Variants in KIDINS220 observed in about 807,000 individuals in gnomAD.
KIDINS220 encodes the protein kinase D-interacting substrate of 220 kDa.
KIDINS220 carries 63 observed loss-of-function variants against 157.6 expected under a neutral mutation model. The observed-to-expected ratio is 0.40, with a 90% CI of 0.33 to 0.49. The LOEUF (loss-of-function observed/expected upper bound fraction) is 0.49. KIDINS220 is among the 20% of genes least tolerant of loss of function. The pLI, the probability that KIDINS220 is intolerant of heterozygous loss-of-function variation, is 0.66. For missense variants in KIDINS220, 1,772 were observed against 2,171.2 expected (o/e 0.82, Z 3.65); for synonymous variants, 732 against 783.6 (o/e 0.93, Z 1.10).
At chr2:8,754,830 A>G (rs984208672) in intron 22 of KIDINS220, among the ~76,000 whole-genome samples, 8 of 152,238 alleles carry the variant, frequency 5.3e-5, no homozygotes, top group African/African-American at 1.9e-4. Context: ...TATTTATCAC[A>G]TTTTATCTAA....
intron 2 of KIDINS220, among the ~76,000 whole-genome samples, chr2:8,824,587 G>A (rs184125318): frequency 6.6e-6 from 1 of 152,240 alleles, no homozygotes; most frequent in Non-Finnish European, 1.5e-5. Context: ...GGCTGAAGCA[G>A]GAGGATCGCT....
rs1572582403 is a variant in KIDINS220, at chr2:8,770,891, A to T, written c.2849-59T>A. The T allele has an allele frequency of 1.5e-5, 15 of 1,003,472 alleles. No homozygotes were observed. The East Asian group carries it at 4.1e-4, about 27-fold the overall frequency. The allele number at this position is 1,003,472 out of a possible 1,614,324, so 62.2% of individuals were successfully genotyped here. On this transcript the variant is annotated intron_variant, in intron 21 of 29. Transcript: ENST00000256707. The stretch of plus-strand genomic sequence containing the variant: ...TAGATGTGTGATAGTATGTTAAGTA[A>T]AACATTTAGTATATTCACAAATATT...
At chr2:8,797,076 G>T (rs1033697728) in intron 10 of KIDINS220, among the ~76,000 whole-genome samples, 3 of 152,178 alleles carry the variant, frequency 2.0e-5, no homozygotes, top group African/African-American at 7.2e-5. Flanking sequence ...CACGTAGCCA[G>T]GTGTGGGACC....
rs1192370705 is a variant in KIDINS220 at position 8,731,302 on chromosome 2, A to G, written c.4734T>C (p.Leu1578=). Residue 1578 remains leucine (L), a synonymous_variant, in exon 30 of 30, where the codon CTT becomes CTC. Coordinates refer to ENST00000256707, the MANE Select transcript of KIDINS220 (RefSeq NM_020738.4). The surrounding 1 kb of genome is among the most constrained non-coding windows in gnomAD (Gnocchi z 5.2). ...KAKEYLSDAL[L]DKKDSSDSGV... is the part of the protein sequence containing the mutation. ...CTGAATCCGATGAATCCTTTTTGTC[A>G]AGGAGCGCATCCGATAAATACTCTT... is the stretch of plus-strand genomic sequence containing the variant. 1 of 1,613,932 alleles carries G rather than the reference A, an allele frequency of 6.2e-7. No individual in the cohort carries two copies. Among genetic ancestry groups the G allele is most frequent in the African/African-American group, 1.3e-5 (1 of 74,894 alleles).
At chr2:8,783,710 A>G (rs1414867525) in intron 17 of KIDINS220, among the ~76,000 whole-genome samples, 1 of 152,214 alleles carries the variant, frequency 6.6e-6, no homozygotes, top group African/African-American at 2.4e-5. Context: ...CAATTACTAT[A>G]TATATTAACA....
At chr2:8,801,460 A>G (rs1449300731) in intron 8 of KIDINS220, among the ~76,000 whole-genome samples, 1 of 152,250 alleles carries the variant, frequency 6.6e-6, no homozygotes, top group East Asian at 1.9e-4. Context: ...AACTTCTTAA[A>G]TGTGCCATCC....
chr2:8,780,549 G>A (rs992311297), intron 17 of KIDINS220, among the ~76,000 whole-genome samples: 1 of 149,276 alleles, frequency 6.7e-6, no homozygotes, highest in Non-Finnish European at 1.5e-5. Context: ...TGTGGTGGGG[G>A]GTGTGTGTGT....
intron 7 of KIDINS220, among the ~76,000 whole-genome samples, chr2:8,804,334 T>C (rs962680158): frequency 1.2e-4 from 18 of 152,370 alleles, no homozygotes; most frequent in African/African-American, 3.8e-4. Context: ...TCATGTAACA[T>C]ACTAATTCTA....
At position 8,731,538 on chromosome 2, in the gene KIDINS220, A is replaced by G. The variant is rs1464178777; in HGVS notation, c.4498T>C (p.Ser1500Pro). Residue 1500 changes from serine to proline, a missense_variant, in exon 30 of 30, where the codon TCA (serine) becomes CCA (proline). Coordinates refer to ENST00000256707, the MANE Select transcript of KIDINS220 (RefSeq NM_020738.4). The surrounding 1 kb of genome is among the most constrained non-coding windows in gnomAD (Gnocchi z 5.2). ...LLPGKKSSER[S>P]SLFQTDLKLK... ...TTCAAATCTGTCTGGAAGAGGCTTGACCTTTCGGAAGATTTCTTGCCTGGG... is the reference window on the plus strand; with the variant it reads ...TTCAAATCTGTCTGGAAGAGGCTTGGCCTTTCGGAAGATTTCTTGCCTGGG... 1 of 1,614,032 alleles carries G rather than the reference A, an allele frequency of 6.2e-7. No homozygotes were observed. Among genetic ancestry groups the G allele is most frequent in the South Asian group, 1.1e-5 (1 of 91,066 alleles).
At chr2:8,804,761 A>G (rs1235379234) in intron 7 of KIDINS220, among the ~76,000 whole-genome samples, 1 of 152,238 alleles carries the variant, frequency 6.6e-6, no homozygotes, top group African/African-American at 2.4e-5. Flanking sequence ...CATTTCACAT[A>G]AATTCTTACA....
intron 29 of KIDINS220, among the ~76,000 whole-genome samples, chr2:8,732,751 T>A (rs1260362114): frequency 6.6e-6 from 1 of 152,168 alleles, no homozygotes; most frequent in Non-Finnish European, 1.5e-5. Flanking sequence ...CCCAAGGCGC[T>A]GCTCCTCCTC....
intron 15 of KIDINS220, among the ~76,000 whole-genome samples, chr2:8,787,377 T>C (rs923479113): frequency 2.0e-5 from 2 of 99,788 alleles, no homozygotes; most frequent in African/African-American, 6.9e-5. Flanking sequence ...CTTTTAATGC[T>C]TTTTTTTTTT....
chr2:8,737,253 C>T (rs771416282), intron 26 of KIDINS220: 71 of 311,966 alleles, frequency 2.3e-4, no homozygotes, highest in Non-Finnish European at 3.9e-4. Flanking sequence ...ATTTCATGAA[C>T]AAAGCCTAGG....
chr2:8,776,927 C>A (rs370698109), intron 20 of KIDINS220, 35 bp from the exon 21 acceptor site: 1 of 1,599,752 alleles, frequency 6.3e-7, no homozygotes, highest in African/African-American at 1.4e-5. Context: ...AAGGAACCCA[C>A]GCGTCCAGTC....
At chr2:8,797,016 A>G in intron 10 of KIDINS220, 147 bp from the exon 11 acceptor site, 2 of 669,824 alleles carry the variant, frequency 3.0e-6, no homozygotes, top group Non-Finnish European at 5.2e-6. Flanking sequence ...TAACAACAAA[A>G]AAATGCTTTT....
chr2:8,734,557 C>T (rs1572417285), intron 28 of KIDINS220, 98 bp downstream of exon 28: 3 of 798,526 alleles, frequency 3.8e-6, no homozygotes, highest in Non-Finnish European at 4.0e-6. Context: ...CAGTTTAGGC[C>T]AGTACTTATT....
chr2:8,779,835 T>C lies in KIDINS220; in HGVS notation c.2230-21A>G, dbSNP rs757090331. ...AGAACCTGTATTGCAAAGGAAGGTATAGAAAGCACTGAAGGAAGATCCAAG... is the reference window on the plus strand; with the variant it reads ...AGAACCTGTATTGCAAAGGAAGGTACAGAAAGCACTGAAGGAAGATCCAAG... On this transcript the variant is annotated intron_variant, in intron 17 of 29. Transcript: ENST00000256707. 75 of 1,612,342 alleles carry C rather than the reference T, an allele frequency of 4.7e-5. 1 individual carries two copies. The South Asian group carries it at 6.2e-4, about 13-fold the overall frequency.
chr2:8,831,022 C>A (rs577433631), intron 1 of KIDINS220, among the ~76,000 whole-genome samples: 1 of 152,334 alleles, frequency 6.6e-6, no homozygotes, highest in East Asian at 1.9e-4. Flanking sequence ...CACCTGCAAT[C>A]CATTTGCCAC....
Position 8,747,296 on chromosome 2 carries a change from A to G in KIDINS220, c.3529-95T>C, listed in dbSNP as rs12622593. 0.12 allele frequency: 120,005 copies of G among 1,025,846 alleles called. 7,871 individuals are homozygous for G. The highest frequency in any genetic ancestry group is 0.21 in the Middle Eastern group (1,026 of 4,892). The allele number at this position is 1,025,846 out of a possible 1,614,324, so 63.5% of individuals were successfully genotyped here. On this transcript the variant is annotated intron_variant, in intron 25 of 29. Transcript: ENST00000256707. ...ACATGATGGTAAAATAATATACAAC[A>G]CTGAAACTCAACAGTTTATGTTTTT... is the stretch of plus-strand genomic sequence containing the variant.
Sources: gnomAD v4.1 joint callset for allele counts (sites outside exome capture counted in the v4.1 genomes callset) on GRCh38, gnomAD v4.1.1 for gene constraint, Gnocchi (gnomAD v3.1) non-coding constraint, MANE v1.5 for transcripts, NCBI Gene and HGNC (gene_info 2026-07-23, HGNC 2026-07-21) for gene names.